TEF: variants seen among roughly 807,000 people sequenced by gnomAD.
TEF encodes the protein thyrotroph embryonic factor.
TEF carries 3 observed loss-of-function variants against 20.8 expected under a neutral mutation model. That is an observed-to-expected ratio of 0.14 (90% CI 0.07 to 0.37). The LOEUF (loss-of-function observed/expected upper bound fraction) is 0.37, where lower values mean the gene tolerates loss of function less well. TEF is among the 10% of genes least tolerant of loss of function. The probability of loss-of-function intolerance (pLI) is 1.00; values close to 1 mark genes in which losing one functional copy is unlikely to be tolerated. For missense variants in TEF, 296 were observed against 397.9 expected (o/e 0.74, Z 2.18); for synonymous variants, 180 against 171.1 (o/e 1.05, Z -0.41).
intron 1 of TEF, chr22:41,369,026 C>T (rs2036850788): frequency 1.0e-6 from 1 of 978,186 alleles, no homozygotes; most frequent in Non-Finnish European, 1.2e-6. Context: ...CCTCCTTGGT[C>T]CAGGAACCCA....
intron 2 of TEF, among the ~76,000 whole-genome samples, chr22:41,388,224 C>T (rs1356003064): frequency 6.6e-6 from 1 of 151,932 alleles, no homozygotes; most frequent in Non-Finnish European, 1.5e-5. Context: ...TCTCGAACTC[C>T]TAACCTCTGG....
At chr22:41,370,597 G>C (rs1344724289) in intron 1 of TEF, among the ~76,000 whole-genome samples, 2 of 151,184 alleles carry the variant, frequency 1.3e-5, no homozygotes, top group African/African-American at 4.9e-5. Flanking sequence ...ATTTTTAGTA[G>C]AGACAGGTTT....
At chr22:41,393,843 CCCTGTCTT>C (rs2037195732) in intron 2 of TEF, among the ~76,000 whole-genome samples, 1 of 151,448 alleles carries the variant, frequency 6.6e-6, no homozygotes, top group Non-Finnish European at 1.5e-5. Context: ...AATTGGAAAA[CCCTGTCTT>C]TTTCTAGGGC....
Position 41,396,123 on chromosome 22 carries a change from T to G in TEF, c.*163T>G. On this transcript the variant is annotated 3_prime_UTR_variant, in exon 4 of 4. Transcript: ENST00000266304. ...GTCTCAGCTTCATTATACCATGGCC[T>G]GCGCACGTGGCGACGTCCCTGAGGG... 2 of 727,152 alleles carry G rather than the reference T, an allele frequency of 2.8e-6. No homozygotes were observed. Among genetic ancestry groups the G allele is most frequent in the South Asian group, 1.9e-5 (1 of 52,190 alleles). 45.0% of individuals were successfully genotyped at this position (727,152 alleles called of 1,614,324 possible). A position where few individuals can be genotyped will look rare whatever the true frequency, so the allele number is the denominator to read the frequency against.
intron 1 of TEF, among the ~76,000 whole-genome samples, chr22:41,372,360 A>G (rs2036892252): frequency 6.6e-6 from 1 of 152,078 alleles, no homozygotes; most frequent in African/African-American, 2.4e-5. Flanking sequence ...CCAGATGGCT[A>G]GGCTGCTGCA....
chr22:41,377,748 A>G (rs1733977238), upstream of TEF, among the ~76,000 whole-genome samples: 1 of 152,306 alleles, frequency 6.6e-6, no homozygotes, highest in South Asian at 2.1e-4. Flanking sequence ...TTTGTGACAC[A>G]TCATCTACCC....
At chr22:41,388,534 C>T (rs985222665) in intron 2 of TEF, among the ~76,000 whole-genome samples, 2 of 151,410 alleles carry the variant, frequency 1.3e-5, no homozygotes, top group African/African-American at 4.9e-5. Flanking sequence ...TCAAGTGCTA[C>T]CTCCATTACC....
rs533265552 is a variant in TEF, at chr22:41,394,401, G to A, written c.696+85G>A. The A allele has an allele frequency of 4.2e-5, 55 of 1,311,784 alleles. 2 individuals carry two copies. In the South Asian group the frequency reaches 7.0e-4, roughly 17 times the overall value. The allele number at this position is 1,311,784 out of a possible 1,614,324, so 81.3% of individuals were successfully genotyped here. A position where few individuals can be genotyped will look rare whatever the true frequency, so the allele number is the denominator to read the frequency against. On this transcript the variant is annotated intron_variant, in intron 3 of 3. Coordinates refer to ENST00000266304, the MANE Select transcript of TEF (RefSeq NM_003216.4). ...GGCTCCTCGCATTTGATTTTATCTGGAGAGCCTTCCCTCCTTGTGACACCA... is the reference window on the plus strand; with the variant it reads ...GGCTCCTCGCATTTGATTTTATCTGAAGAGCCTTCCCTCCTTGTGACACCA...
At chr22:41,374,941 A>C (rs2036922637) in intron 1 of TEF, among the ~76,000 whole-genome samples, 1 of 152,074 alleles carries the variant, frequency 6.6e-6, no homozygotes, top group Non-Finnish European at 1.5e-5. Flanking sequence ...TCCACATGTA[A>C]GTAGACTCAT....
chr22:41,370,064 A>G (rs2036863506), intron 1 of TEF: 5 of 984,200 alleles, frequency 5.1e-6, no homozygotes, highest in Non-Finnish European at 6.0e-6. Context: ...TGCTCTCCCC[A>G]TGCTCTCCGC....
chr22:41,378,974 T>C (rs1039400263), upstream of TEF, among the ~76,000 whole-genome samples: 9 of 152,208 alleles, frequency 5.9e-5, no homozygotes, highest in South Asian at 2.1e-4. Flanking sequence ...GCCAACCAGT[T>C]TTAGTAAAAT....
chr22:41,391,420 G>A (rs905538949), intron 2 of TEF, among the ~76,000 whole-genome samples: 1 of 151,726 alleles, frequency 6.6e-6, no homozygotes, highest in African/African-American at 2.4e-5. Context: ...CTGCCTCCCG[G>A]GTTCAAGCGA....
At chr22:41,368,765 A>G (rs780210876) in intron 1 of TEF, among the ~76,000 whole-genome samples, 1 of 152,174 alleles carries the variant, frequency 6.6e-6, no homozygotes, top group Non-Finnish European at 1.5e-5. Flanking sequence ...ATGGTGGGAC[A>G]GTCCAGGCCA....
rs1812249238 is a variant in TEF, at chr22:41,367,745, G to A, written c.67+146G>A. The stretch of plus-strand genomic sequence containing the variant: ...CGCCCTTGGTCTCAGGGTGCAGAGT[G>A]CGGAGAGGGGTTCGAGGAGGCATGT... On this transcript the variant is annotated intron_variant, in intron 1 of 3. Transcript: ENST00000406644. 1.6e-5 allele frequency: 12 copies of A among 735,492 alleles called. No individual in the cohort carries two copies. The South Asian group carries it at 2.2e-4, about 13-fold the overall frequency. 45.6% of individuals were successfully genotyped at this position (735,492 alleles called of 1,614,324 possible). A position where few individuals can be genotyped will look rare whatever the true frequency, so the allele number is the denominator to read the frequency against.
chr22:41,380,993 G>A (rs2037009763), upstream of TEF, among the ~76,000 whole-genome samples: 1 of 152,182 alleles, frequency 6.6e-6, no homozygotes, highest in Non-Finnish European at 1.5e-5. Flanking sequence ...TGAAGCAACC[G>A]GACTTTCCCA....
At chr22:41,371,808 G>A (rs1601809868) in intron 1 of TEF, among the ~76,000 whole-genome samples, 1 of 152,324 alleles carries the variant, frequency 6.6e-6, no homozygotes, top group East Asian at 1.9e-4. Context: ...TAGAGGCATG[G>A]TGCCATCTGC....
At chr22:41,377,835 T>A (rs1916233181), upstream of TEF, among the ~76,000 whole-genome samples, 1 of 152,196 alleles carries the variant, frequency 6.6e-6, no homozygotes, top group African/African-American at 2.4e-5. Flanking sequence ...CTTAACCCGC[T>A]GGTCTCACTT....
intron 1 of TEF, among the ~76,000 whole-genome samples, chr22:41,382,683 A>G (rs1418695490): frequency 6.6e-6 from 1 of 151,362 alleles, no homozygotes; most frequent in Non-Finnish European, 1.5e-5. Flanking sequence ...ACGTGGCCTT[A>G]CCCCTCCCGG....
Position 41,395,939 on chromosome 22 carries a change from G to A in TEF, c.891G>A (p.Glu297=), listed in dbSNP as rs2037222058. The A allele has an allele frequency of 6.2e-7, 1 of 1,613,232 alleles. No homozygotes were observed. The highest frequency in any genetic ancestry group is 1.3e-5 in the African/African-American group (1 of 74,922). ...GCAAGACCATCGTGTCCAAGTATGA[G>A]ACCAAATACGGGCCCTTGTAACCCG... ...GKCKTIVSKY[E]TKYGPL is the part of the protein sequence containing the mutation. The change falls in exon 4 of 4, where the codon GAG becomes GAA. Residue 297 remains glutamate, a synonymous_variant. Transcript: ENST00000266304.
Sources: allele counts gnomAD v4.1 joint callset (sites outside exome capture counted in the v4.1 genomes callset), GRCh38; gene constraint gnomAD v4.1.1; transcripts MANE v1.5; gene names NCBI Gene and HGNC (gene_info 2026-07-23, HGNC 2026-07-21).